The following PPP1R12C variants were observed in gnomAD, a reference collection of about 807,000 sequenced individuals.
The protein encoded by PPP1R12C is leukocyte receptor cluster (LRC) encoded novel gene 3.
In PPP1R12C, 48 loss-of-function variants were observed where a neutral mutation model predicts 95.6. That is an observed-to-expected ratio of 0.50 (90% CI 0.40 to 0.64). The LOEUF (loss-of-function observed/expected upper bound fraction) is 0.64, where lower values mean the gene tolerates loss of function less well. PPP1R12C is among the 30% of genes least tolerant of loss of function. The pLI, the probability that PPP1R12C is intolerant of heterozygous loss-of-function variation, is 0.00. For synonymous variants in PPP1R12C, 480 were observed against 460.8 expected (o/e 1.04, Z -0.53); for missense variants, 1,057 against 1,083.3 (o/e 0.98, Z 0.34).
At position 55,109,288 on chromosome 19, in the gene PPP1R12C, G is replaced by C. The variant is rs2085070798; in HGVS notation, c.571+3179C>G. Among the ~76,000 whole-genome samples the C allele has an allele frequency of 6.6e-6, 1 of 152,132 alleles. No homozygotes were observed. Among genetic ancestry groups the C allele is most frequent in the Non-Finnish European group, 1.5e-5 (1 of 68,028 alleles). On this transcript the variant is annotated intron_variant, in intron 3 of 21. Transcript: ENST00000263433. This position sits in a 1 kb window ranked among gnomAD's most constrained non-coding sequence, Gnocchi z 4.4. Reference sequence around the variant, plus strand: ...TAATGTGTTTTGTTTTATAGAGATGGGTTCTCACTAGGTTTCCCAGGCTGG... The same window carrying C: ...TAATGTGTTTTGTTTTATAGAGATGCGTTCTCACTAGGTTTCCCAGGCTGG...
rs116311770 is a variant in PPP1R12C, at chr19:55,112,033, C to T, written c.571+434G>A. ...ACCCCATATGAAGGCTCCTGGGGTA[C>T]GATGAGTCTCAGAGGACAGGGAGAC... On this transcript the variant is annotated intron_variant, in intron 3 of 21. Transcript: ENST00000263433. The T allele has an allele frequency of 1.9e-3, 298 of 160,092 alleles. 2 individuals carry two copies. Among genetic ancestry groups the T allele is most frequent in the African/African-American group, 6.8e-3 (285 of 41,666 alleles). 9.9% of individuals were successfully genotyped at this position (160,092 alleles called of 1,614,324 possible). A position where few individuals can be genotyped will look rare whatever the true frequency, so the allele number is the denominator to read the frequency against.
intron 3 of PPP1R12C, among the ~76,000 whole-genome samples, chr19:55,111,150 A>C (rs955025630): frequency 3.1e-5 from 2 of 65,166 alleles, no homozygotes; most frequent in Non-Finnish European, 3.6e-5. Context: ...GGTGGGGGGG[A>C]GGGGGGGGTG....
chr19:55,111,137 T>TGGGG (rs1412132203), intron 3 of PPP1R12C, among the ~76,000 whole-genome samples: 1 of 3,776 alleles, frequency 2.6e-4, no homozygotes, highest in Non-Finnish European at 4.8e-4. Context: ...GAGGGCTTCG[T>TGGGG]GGGGTGGGGG....
Position 55,112,496 on chromosome 19 carries a change from C to T in PPP1R12C, c.542G>A (p.Gly181Glu). The change falls in exon 3 of 22, where the codon GGG (glycine) becomes GAG (glutamate). Residue 181 changes from glycine to glutamate, a missense_variant. Physicochemically the swap from Gly to Glu is moderately conservative, Grantham distance 98. Around this residue, in one of 5 missense-constraint regions of PPP1R12C, gnomAD observed 282 missense variants for 380.4 expected, o/e 0.74. Coordinates refer to ENST00000263433, the MANE Select transcript of PPP1R12C (RefSeq NM_017607.4). Reference sequence around the variant, plus strand: ...GCGGGCGATCTCCGCCTTCAGCAGCCCCTCCATGGCGTCCGACTCGGCCAG... The same window carrying T: ...GCGGGCGATCTCCGCCTTCAGCAGCTCCTCCATGGCGTCCGACTCGGCCAG... ...LDLAESDAME[G>E]LLKAEIARRG... 1 of 1,612,974 alleles carries T rather than the reference C, an allele frequency of 6.2e-7. No individual in the cohort carries two copies. Among genetic ancestry groups the T allele is most frequent in the Non-Finnish European group, 8.5e-7 (1 of 1,179,796 alleles).
chr19:55,116,534 A>G (rs1380581993), intron 1 of PPP1R12C, among the ~76,000 whole-genome samples: 1 of 152,210 alleles, frequency 6.6e-6, no homozygotes, highest in Non-Finnish European at 1.5e-5. Flanking sequence ...AGAAAGCGGC[A>G]CAGGCCCAGG....
rs2085164900 is a variant in PPP1R12C at position 55,117,277 on chromosome 19, G to T, written c.267C>A (p.Pro89=). ...GAELDPAAPP[P]ARAVLDSTNA... is the part of the protein sequence containing the mutation. Reference sequence around the variant, plus strand: ...TGGTGGAGTCCAGCACGGCGCGGGCGGGCGGCGGCGCGGCGGGGTCGAGCT... The same window carrying T: ...TGGTGGAGTCCAGCACGGCGCGGGCTGGCGGCGGCGCGGCGGGGTCGAGCT... The change falls in exon 1 of 22, where the codon CCC becomes CCA. Residue 89 remains proline (P), a synonymous_variant. Coordinates refer to ENST00000263433, the MANE Select transcript of PPP1R12C (RefSeq NM_017607.4). The T allele has an allele frequency of 8.2e-7, 1 of 1,223,190 alleles. No individual in the cohort carries two copies. Among genetic ancestry groups the T allele is most frequent in the Non-Finnish European group, 1.0e-6 (1 of 983,658 alleles). 75.8% of individuals were successfully genotyped at this position (1,223,190 alleles called of 1,614,324 possible).
intron 18 of PPP1R12C, 30 bp from the exon 19 acceptor site, chr19:55,092,356 G>C (rs765068722): frequency 6.4e-7 from 1 of 1,568,874 alleles, no homozygotes; most frequent in Non-Finnish European, 8.7e-7. Flanking sequence ...GGGTCAGGTG[G>C]AGGATGGGGC....
At chr19:55,116,178 G>A (rs1186678207) in intron 1 of PPP1R12C, among the ~76,000 whole-genome samples, 1 of 152,186 alleles carries the variant, frequency 6.6e-6, no homozygotes, top group Non-Finnish European at 1.5e-5. Flanking sequence ...ACAAGAAGGG[G>A]AGGCGGGACG....
rs1444040659 is a variant in PPP1R12C, at chr19:55,098,856, C to G, written c.879G>C (p.Gly293=). The change falls in exon 6 of 22, where the codon GGG becomes GGC. Residue 293 remains glycine (G), a splice_region_variant and synonymous_variant. Coordinates refer to ENST00000263433, the MANE Select transcript of PPP1R12C (RefSeq NM_017607.4). ...CATCGGCCAGGTCACAGGGACGCTG[C>G]CCCTGGGTCAGGGGAGGAGCAGGAT... is the stretch of plus-strand genomic sequence containing the variant. ...GGGMDSLTHA[G]QRPCDLADEE... 3.7e-6 allele frequency: 6 copies of G among 1,613,354 alleles called. No homozygotes were observed. The South Asian group carries it at 6.6e-5, about 18-fold the overall frequency.
rs138584223 is a variant in PPP1R12C, at chr19:55,108,885, T to C, written c.571+3582A>G. Among the ~76,000 whole-genome samples the C allele has an allele frequency of 1.1e-3, 175 of 152,226 alleles. 5 individuals are homozygous for C. The East Asian group carries it at 0.027, about 23-fold the overall frequency. On this transcript the variant is annotated intron_variant, in intron 3 of 21. Coordinates refer to ENST00000263433, the MANE Select transcript of PPP1R12C (RefSeq NM_017607.4). ...CCACCCCTGGCTAATTTTGTATTTT[T>C]AGTAGAGACAGAGTTTCTCCATGTT...
rs771937466 is a variant in PPP1R12C, at chr19:55,092,611, C to G, written c.1952+11G>C. Reference sequence around the variant, plus strand: ...CGCACGCAGACCCCACCTCTCCCACCCCGCCCCTACCTGGACTCCTGGCTG... The same window carrying G: ...CGCACGCAGACCCCACCTCTCCCACGCCGCCCCTACCTGGACTCCTGGCTG... On this transcript the variant is annotated intron_variant, in intron 17 of 21. Transcript: ENST00000263433. 2 of 1,535,446 alleles carry G rather than the reference C, an allele frequency of 1.3e-6. No individual in the cohort carries two copies. Among genetic ancestry groups the G allele is most frequent in the South Asian group, 1.3e-5 (1 of 78,974 alleles).
At chr19:55,113,287 G>A (rs921732645) in intron 1 of PPP1R12C, 37 of 814,166 alleles carry the variant, frequency 4.5e-5, no homozygotes, top group Non-Finnish European at 6.1e-5. Flanking sequence ...CTGCAGGAAC[G>A]AAGCCGTGGG....
At chr19:55,099,846 G>C (rs1186927023) in intron 4 of PPP1R12C, among the ~76,000 whole-genome samples, 1 of 152,236 alleles carries the variant, frequency 6.6e-6, no homozygotes, top group African/African-American at 2.4e-5. Flanking sequence ...TCCAAGCTCA[G>C]CTTAACGGTA....
At chr19:55,096,392 A>C (rs1019505677) in intron 6 of PPP1R12C, 57 bp from the exon 7 acceptor site, 405 of 1,563,458 alleles carry the variant, frequency 2.6e-4, no homozygotes, top group Non-Finnish European at 3.0e-4. Context: ...CCCCACAGCA[A>C]CACCACCACA....
In PPP1R12C at chr19:55,093,057, C is replaced by G; in HGVS notation, c.1784G>C (p.Arg595Pro). ...AQSLDPSRRP[R>P]VPGVENSDSP... ...GTCAGAGTTCTCCACTCCAGGGACG[C>G]GGGGCCTTCGGGAAGGGTCCTGTCG... Residue 595 changes from arginine (R) to proline (P), a missense_variant, in exon 15 of 22, where the codon CGC becomes CCC. Coordinates refer to ENST00000263433, the MANE Select transcript of PPP1R12C (RefSeq NM_017607.4). 1.9e-6 allele frequency: 3 copies of G among 1,600,198 alleles called. No homozygotes were observed. Among genetic ancestry groups the G allele is most frequent in the Non-Finnish European group, 2.6e-6 (3 of 1,172,844 alleles).
chr19:55,091,080 G>A lies in PPP1R12C; in HGVS notation c.*392C>T, dbSNP rs747803569. The A allele has an allele frequency of 4.5e-5, 12 of 263,854 alleles. No individual in the cohort carries two copies. Among genetic ancestry groups the A allele is most frequent in the South Asian group, 3.9e-4 (8 of 20,678 alleles). 16.3% of individuals were successfully genotyped at this position (263,854 alleles called of 1,614,324 possible). ...ACAGGCCCACCTGGCTGAGGCTGGC[G>A]GGACTCTTGGCACATTCTTGGATCC... On this transcript the variant is annotated 3_prime_UTR_variant, in exon 22 of 22. Coordinates refer to ENST00000263433, the MANE Select transcript of PPP1R12C (RefSeq NM_017607.4).
Position 55,117,509 on chromosome 19 carries a change from CCCGGGCCAGCCG to C in PPP1R12C, c.23_34del (p.Ala8_Pro11del), listed in dbSNP as rs2085169137. 27 of 1,027,296 alleles carry C rather than the reference CCCGGGCCAGCCG, an allele frequency of 2.6e-5. No individual in the cohort carries two copies. Among genetic ancestry groups the C allele is most frequent in the Admixed American group, 5.1e-5 (1 of 19,536 alleles). 63.6% of individuals were successfully genotyped at this position (1,027,296 alleles called of 1,614,324 possible). A position where few individuals can be genotyped will look rare whatever the true frequency, so the allele number is the denominator to read the frequency against. ...CTCCCGGGCAGCCGCCGCCGCCGCCCCCGGGCCAGCCGCCGGGCCATCCTCTCCGGACATCGC... is the reference window on the plus strand; with the variant it reads ...CTCCCGGGCAGCCGCCGCCGCCGCCCCCGGGCCATCCTCTCCGGACATCGC... On this transcript the variant is annotated inframe_deletion, in exon 1 of 22. Transcript: ENST00000263433.
rs568988371 is a variant in PPP1R12C, at chr19:55,092,859, G to A, written c.1835C>T (p.Pro612Leu). Residue 612 changes from proline to leucine, a missense_variant, in exon 16 of 22, where the codon CCC (proline) becomes CTC (leucine). By Grantham distance (98) the Pro-to-Leu change is moderately conservative. This residue lies in a region of PPP1R12C where 347 missense variants were observed against 307.9 expected (regional missense o/e 1.13). Coordinates refer to ENST00000263433, the MANE Select transcript of PPP1R12C (RefSeq NM_017607.4). ...SDSPAQRAEAPDGQGPGPQAA... is the reference protein window; with the variant it reads ...SDSPAQRAEALDGQGPGPQAA... Reference sequence around the variant, plus strand: ...CTGCGGTCCCGGACCCTGCCCGTCGGGCGCCTCTGCTGGGGGAGGGGCAGG... The same window carrying A: ...CTGCGGTCCCGGACCCTGCCCGTCGAGCGCCTCTGCTGGGGGAGGGGCAGG... 3 of 1,585,256 alleles carry A rather than the reference G, an allele frequency of 1.9e-6. No individual in the cohort carries two copies. The East Asian group carries it at 7.0e-5, about 37-fold the overall frequency.
chr19:55,094,882 A>G, intron 11 of PPP1R12C, 84 bp from the exon 12 acceptor site: 1 of 1,445,828 alleles, frequency 6.9e-7, no homozygotes. Flanking sequence ...TGAAAGAAAC[A>G]AATTATCTGG....
Sources: gnomAD v4.1 joint callset for allele counts (sites outside exome capture counted in the v4.1 genomes callset) on GRCh38, gnomAD v4.1.1 for gene constraint, gnomAD v4.1.1 regional missense constraint, Gnocchi (gnomAD v3.1) non-coding constraint, MANE v1.5 for transcripts, NCBI Gene and HGNC (gene_info 2026-07-23, HGNC 2026-07-21) for gene names.